The following GCNT2 variants were observed in gnomAD, a reference collection of about 807,000 sequenced individuals.
GCNT2 encodes the protein N-acetyllactosaminide beta-1,6-N-acetylglucosaminyl-transferase.
A neutral mutation model predicts 34.2 loss-of-function variants in GCNT2; 34 were observed. The ratio of observed to expected loss-of-function variants is 1.00; its 90% CI spans 0.76 to 1.32. GCNT2 has a LOEUF of 1.32. Among genes scored for constraint, GCNT2 ranks in the 40% most tolerant of loss-of-function variants. GCNT2 has a pLI of 0.00. For missense variants in GCNT2, 584 were observed against 489.4 expected (o/e 1.19, Z -1.82); for synonymous variants, 212 against 188.0 (o/e 1.13, Z -1.04).
intron 3 of GCNT2, chr6:10,556,598 C>T (rs376966247): frequency 6.2e-7 from 1 of 1,613,994 alleles, no homozygotes; most frequent in African/African-American, 1.3e-5. Flanking sequence ...AACACGTTTC[C>T]TGTGGAAAAA....
At chr6:10,523,271 C>A (rs1445509677) in intron 1 of GCNT2, among the ~76,000 whole-genome samples, 1 of 151,830 alleles carries the variant, frequency 6.6e-6, no homozygotes, top group Non-Finnish European at 1.5e-5. Flanking sequence ...AAAGAAAATA[C>A]AAAAATTAGC....
chr6:10,593,384 C>G (rs576815121), intron 3 of GCNT2, among the ~76,000 whole-genome samples: 1 of 152,178 alleles, frequency 6.6e-6, no homozygotes, highest in South Asian at 2.1e-4. Flanking sequence ...GTCACCTAGA[C>G]TGGAGTGCAG....
At chr6:10,553,697 C>T (rs1762573491) in intron 3 of GCNT2, among the ~76,000 whole-genome samples, 2 of 152,156 alleles carry the variant, frequency 1.3e-5, no homozygotes, top group Non-Finnish European at 1.5e-5. Context: ...AGTTCAAGAC[C>T]AGCTTGGCCA....
At chr6:10,550,173 C>T (rs1353193081) in intron 3 of GCNT2, among the ~76,000 whole-genome samples, 1 of 152,092 alleles carries the variant, frequency 6.6e-6, no homozygotes, top group Non-Finnish European at 1.5e-5. Context: ...TCTGTCTCAG[C>T]CTCCCGAGTA....
chr6:10,574,434 C>T (rs1367968380), intron 3 of GCNT2, among the ~76,000 whole-genome samples: 2 of 152,166 alleles, frequency 1.3e-5, no homozygotes, highest in Non-Finnish European at 2.9e-5. Flanking sequence ...CTCTACAAAT[C>T]CACCCCTTTG....
In GCNT2 at chr6:10,612,500, G is replaced by A. The variant is rs1765601426; in HGVS notation, c.926-8851G>A. On this transcript the variant is annotated intron_variant, in intron 3 of 4. Coordinates refer to ENST00000495262, the MANE Select transcript of GCNT2 (RefSeq NM_145649.5). ...CGACAAAGAATTACCTGGTCCAAAT[G>A]TCGATAATGCTGAGGTTGAGAAAAC... Among the ~76,000 whole-genome samples the A allele has an allele frequency of 2.6e-5, 4 of 152,142 alleles. No homozygotes were observed. The South Asian group carries it at 8.3e-4, about 32-fold the overall frequency.
intron 3 of GCNT2, among the ~76,000 whole-genome samples, chr6:10,620,203 C>T (rs1765971797): frequency 6.6e-6 from 1 of 152,092 alleles, no homozygotes; most frequent in South Asian, 2.1e-4. Context: ...ATTCTGCCTA[C>T]CACAATATAT....
At chr6:10,585,031 C>CAG (rs1491439190) in intron 3 of GCNT2, among the ~76,000 whole-genome samples, 7 of 97,264 alleles carry the variant, frequency 7.2e-5, no homozygotes, top group African/African-American at 3.4e-4. Flanking sequence ...TTCCCATAGT[C>CAG]AGTGTGTGTG....
At chr6:10,575,202 C>T (rs1469732510) in intron 3 of GCNT2, 3 of 374,342 alleles carry the variant, frequency 8.0e-6, no homozygotes, top group African/African-American at 4.2e-5. Flanking sequence ...TTGGGTGCCT[C>T]TCCTCTTTTC....
At chr6:10,586,699 C>G (rs1403126081) in intron 3 of GCNT2, 1 of 1,613,996 alleles carries the variant, frequency 6.2e-7, no homozygotes. Context: ...CAAGAGCATA[C>G]AGATAAAGGT....
At chr6:10,600,788 A>G (rs915301926) in intron 3 of GCNT2, among the ~76,000 whole-genome samples, 1 of 151,940 alleles carries the variant, frequency 6.6e-6, no homozygotes, top group Non-Finnish European at 1.5e-5. Flanking sequence ...TTATTTAGAG[A>G]CAGCATCTCA....
At chr6:10,599,731 GATA>G (rs1765018476) in intron 3 of GCNT2, among the ~76,000 whole-genome samples, 1 of 152,174 alleles carries the variant, frequency 6.6e-6, no homozygotes, top group Admixed American at 6.5e-5. Flanking sequence ...GCCAAGGAAT[GATA>G]ATAACTGCTA....
chr6:10,564,540 G>A (rs1238217339), intron 3 of GCNT2, among the ~76,000 whole-genome samples: 4 of 152,244 alleles, frequency 2.6e-5, no homozygotes, highest in East Asian at 1.9e-4. Context: ...TGTATCCCCC[G>A]ACATCTGTCA....
chr6:10,579,925 G>C (rs934454181), intron 3 of GCNT2, among the ~76,000 whole-genome samples: 4 of 150,934 alleles, frequency 2.7e-5, no homozygotes, highest in African/African-American at 7.3e-5. Flanking sequence ...CTCTGCGTTT[G>C]TAGTTGAACT....
At chr6:10,618,869 C>G (rs1198279233) in intron 3 of GCNT2, among the ~76,000 whole-genome samples, 1 of 150,956 alleles carries the variant, frequency 6.6e-6, no homozygotes, top group East Asian at 1.9e-4. Flanking sequence ...TAAATAAATT[C>G]AAGTTTAGGT....
intron 3 of GCNT2, among the ~76,000 whole-genome samples, chr6:10,555,091 T>G (rs897724864): frequency 1.3e-5 from 2 of 152,140 alleles, no homozygotes; most frequent in Non-Finnish European, 2.9e-5. Flanking sequence ...GAAGAAAATG[T>G]GCATTAAAGG....
chr6:10,531,002 C>T (rs1761460082), intron 3 of GCNT2, among the ~76,000 whole-genome samples: 2 of 143,270 alleles, frequency 1.4e-5, no homozygotes, highest in Non-Finnish European at 3.0e-5. Flanking sequence ...TGCAGTGAGC[C>T]AAGATCACGT....
chr6:10,558,811 C>T (rs545005697), intron 3 of GCNT2, among the ~76,000 whole-genome samples: 1 of 152,336 alleles, frequency 6.6e-6, no homozygotes, highest in African/African-American at 2.4e-5. Flanking sequence ...GCGGCTCACT[C>T]GTATGCTGCG....
intron 3 of GCNT2, among the ~76,000 whole-genome samples, chr6:10,558,295 G>T (rs1329780336): frequency 6.6e-6 from 1 of 152,170 alleles, no homozygotes; most frequent in East Asian, 1.9e-4. Context: ...ATAAATCAGT[G>T]AGTGAGTGAA....
Sources: allele counts gnomAD v4.1 joint callset (sites outside exome capture counted in the v4.1 genomes callset), GRCh38; gene constraint gnomAD v4.1.1; transcripts MANE v1.5; gene names NCBI Gene and HGNC (gene_info 2026-07-23, HGNC 2026-07-21).